RARB: variants seen among roughly 807,000 people sequenced by gnomAD.
RARB encodes the protein retinoic acid receptor beta, also known as HBV-activated protein.
In RARB, 17 loss-of-function variants were observed where a neutral mutation model predicts 51.9. The ratio of observed to expected loss-of-function variants is 0.33; its 90% confidence interval spans 0.22 to 0.49. The LOEUF is 0.49. Ranked by LOEUF, RARB falls within the 20% of genes least tolerant of loss-of-function variation. The pLI is 0.99. For synonymous variants in RARB, 215 were observed against 195.4 expected (o/e 1.10, Z -0.84); for missense variants, 369 against 550.8 (o/e 0.67, Z 3.30).
intron 3 of RARB, among the ~76,000 whole-genome samples, chr3:25,076,777 G>A (rs545087617): frequency 1.7e-4 from 26 of 151,968 alleles, no homozygotes; most frequent in African/African-American, 6.3e-4. Context: ...ACATGACCAC[G>A]GAAGTCTTCA....
intron 5 of RARB, among the ~76,000 whole-genome samples, chr3:25,380,021 T>C (rs938321331): frequency 1.3e-5 from 2 of 152,210 alleles, no homozygotes; most frequent in Admixed American, 6.5e-5. Context: ...GGAAAATTCA[T>C]GTTGGACTGG....
At chr3:24,940,241 C>G (rs1049908663) in intron 2 of RARB, among the ~76,000 whole-genome samples, 73 of 152,130 alleles carry the variant, frequency 4.8e-4, no homozygotes, top group African/African-American at 1.6e-3. Context: ...TTAACAATTT[C>G]ATACTGAATA....
At chr3:25,198,232 T>A (rs1701295941) in intron 5 of RARB, among the ~76,000 whole-genome samples, 1 of 152,096 alleles carries the variant, frequency 6.6e-6, no homozygotes, top group East Asian at 1.9e-4. Flanking sequence ...TGCAGAAGAA[T>A]GAAACTAGAC....
At chr3:25,312,062 G>A (rs1704303775) in intron 5 of RARB, among the ~76,000 whole-genome samples, 1 of 152,216 alleles carries the variant, frequency 6.6e-6, no homozygotes, top group Admixed American at 6.5e-5. Flanking sequence ...GGGGAGATGA[G>A]TTGTTTCCTG....
chr3:25,130,937 ATATCAATATT>A (rs1699939709), intron 3 of RARB, among the ~76,000 whole-genome samples: 2 of 64,136 alleles, frequency 3.1e-5, no homozygotes, highest in African/African-American at 1.8e-4. Context: ...ATCATTGATA[ATATCAATATT>A]TATTATTGAT....
At chr3:25,096,684 C>T (rs1031920325) in intron 3 of RARB, among the ~76,000 whole-genome samples, 6 of 152,096 alleles carry the variant, frequency 3.9e-5, no homozygotes, top group African/African-American at 1.4e-4. Flanking sequence ...AGCTTAGCCA[C>T]TTTTACCTGG....
chr3:24,938,557 A>G (rs1695592413), intron 2 of RARB, among the ~76,000 whole-genome samples: 1 of 152,254 alleles, frequency 6.6e-6, no homozygotes, highest in African/African-American at 2.4e-5. Context: ...TTATACATAT[A>G]GTGGTGAAAT....
intron 3 of RARB, among the ~76,000 whole-genome samples, chr3:25,061,290 A>G (rs1010930139): frequency 2.6e-5 from 4 of 151,940 alleles, no homozygotes; most frequent in African/African-American, 9.7e-5. Context: ...ATAATAGCAA[A>G]GGTAAACATA....
intron 2 of RARB, among the ~76,000 whole-genome samples, chr3:24,894,030 G>A (rs537656820): frequency 1.3e-5 from 2 of 152,190 alleles, no homozygotes; most frequent in African/African-American, 4.8e-5. Context: ...AGAAAGAGAT[G>A]GCAGAATCCT....
At position 25,441,511 on chromosome 3, in the gene RARB, C is replaced by T. The variant is rs544218723; in HGVS notation, c.157+12623C>T. 24 of 163,534 alleles carry T rather than the reference C, an allele frequency of 1.5e-4. 1 individual carries two copies. The South Asian group carries it at 3.0e-3, about 20-fold the overall frequency. 10.1% of individuals were successfully genotyped at this position (163,534 alleles called of 1,614,324 possible). A position where few individuals can be genotyped will look rare whatever the true frequency, so the allele number is the denominator to read the frequency against. On this transcript the variant is annotated intron_variant, in intron 1 of 7. Transcript: ENST00000330688. ...GATGCTTTTCCACGGGTTGGATTTT[C>T]GAGTAGTGTGCTTTGTAGGAACCGT...
intron 3 of RARB, 115 bp downstream of exon 3, chr3:25,501,438 G>A: frequency 2.3e-6 from 3 of 1,289,210 alleles, no homozygotes; most frequent in Non-Finnish European, 3.2e-6. Flanking sequence ...CCAAGGGTAG[G>A]TGTGAATAGA....
chr3:24,863,768 A>G (rs535191694), intron 2 of RARB, among the ~76,000 whole-genome samples: 1 of 152,016 alleles, frequency 6.6e-6, no homozygotes, highest in East Asian at 1.9e-4. Flanking sequence ...CATTAGACTA[A>G]CACTTTTCTA....
At chr3:25,357,357 G>A (rs1412636572) in intron 5 of RARB, among the ~76,000 whole-genome samples, 1 of 151,526 alleles carries the variant, frequency 6.6e-6, no homozygotes, top group Non-Finnish European at 1.5e-5. Flanking sequence ...CTTTTTGTTG[G>A]GGTTGTTTTT....
At chr3:25,269,896 A>G (rs767681048) in intron 5 of RARB, among the ~76,000 whole-genome samples, 3 of 152,228 alleles carry the variant, frequency 2.0e-5, no homozygotes, top group Non-Finnish European at 2.9e-5. Context: ...GTCATTAAGC[A>G]TACGAAAAGA....
intron 2 of RARB, among the ~76,000 whole-genome samples, chr3:25,472,899 C>CA (rs1695766595): frequency 6.6e-6 from 1 of 152,202 alleles, no homozygotes; most frequent in African/African-American, 2.4e-5. Flanking sequence ...CTTTGAAAAG[C>CA]ACACTGCTGG....
intron 5 of RARB, among the ~76,000 whole-genome samples, chr3:25,399,998 T>C (rs1707221571): frequency 6.6e-6 from 1 of 152,230 alleles, no homozygotes; most frequent in South Asian, 2.1e-4. Context: ...AAGACTTACC[T>C]CTGAGGATTC....
intron 1 of RARB, among the ~76,000 whole-genome samples, chr3:24,845,109 A>ATCTAT (rs1702470659): frequency 6.6e-6 from 1 of 152,140 alleles, no homozygotes; most frequent in Non-Finnish European, 1.5e-5. Context: ...ATCTCCCCTA[A>ATCTAT]TCTATTAAGG....
intron 2 of RARB, among the ~76,000 whole-genome samples, chr3:24,861,089 T>A (rs1429655919): frequency 6.6e-6 from 1 of 152,214 alleles, no homozygotes; most frequent in Non-Finnish European, 1.5e-5. Context: ...TTTTCACTTG[T>A]GAATTCAGCC....
intron 1 of RARB, among the ~76,000 whole-genome samples, chr3:24,847,700 C>A (rs1266167416): frequency 6.6e-6 from 1 of 152,226 alleles, no homozygotes; most frequent in African/African-American, 2.4e-5. Flanking sequence ...AGTTGGCCAC[C>A]ATAATTGTAG....
Sources: allele counts gnomAD v4.1 joint callset (sites outside exome capture counted in the v4.1 genomes callset), GRCh38; gene constraint gnomAD v4.1.1; transcripts MANE v1.5; gene names NCBI Gene and HGNC (gene_info 2026-07-23, HGNC 2026-07-21).